The following WWP2 variants were observed in gnomAD, a reference collection of about 807,000 sequenced individuals.
The protein encoded by WWP2 is WW domain containing E3 ubiquitin protein ligase 2.
In WWP2, 57 loss-of-function variants were observed where a neutral mutation model predicts 121.0. The ratio of observed to expected loss-of-function variants is 0.47; its 90% confidence interval spans 0.38 to 0.59. The LOEUF (loss-of-function observed/expected upper bound fraction) is 0.59, where lower values mean the gene tolerates loss of function less well. Among genes scored for constraint, WWP2 ranks in the 20% least tolerant of loss-of-function variants. The pLI, the probability that WWP2 is intolerant of heterozygous loss-of-function variation, is 0.00. For synonymous variants in WWP2, 449 were observed against 441.3 expected, an observed-to-expected ratio of 1.02 and a Z score of -0.22; for missense variants, 962 against 1,158.9, an observed-to-expected ratio of 0.83 and a Z score of 2.47.
chr16:69,766,251 G>T (rs993607081), intron 1 of WWP2, among the ~76,000 whole-genome samples: 1 of 151,994 alleles, frequency 6.6e-6, no homozygotes, highest in Non-Finnish European at 1.5e-5. Flanking sequence ...AACTCAGCTC[G>T]TCCACAAAGC....
chr16:69,846,592 G>A (rs1427337104), intron 6 of WWP2, among the ~76,000 whole-genome samples: 1 of 152,054 alleles, frequency 6.6e-6, no homozygotes, highest in Non-Finnish European at 1.5e-5. Flanking sequence ...ATGGTGGCGT[G>A]CACCTGTAAT....
At chr16:69,774,520 G>A (rs113267902) in intron 1 of WWP2, among the ~76,000 whole-genome samples, 1 of 152,128 alleles carries the variant, frequency 6.6e-6, no homozygotes, top group African/African-American at 2.4e-5. Context: ...GCCTCCTAAG[G>A]TGCTGGGATT....
At chr16:69,841,810 A>G (rs1346033442) in intron 5 of WWP2, among the ~76,000 whole-genome samples, 3 of 152,078 alleles carry the variant, frequency 2.0e-5, no homozygotes, top group Non-Finnish European at 4.4e-5. Context: ...GCTGTTTCCA[A>G]GGTTTGAGCC....
chr16:69,922,567 C>G (rs1294435711), intron 10 of WWP2, among the ~76,000 whole-genome samples: 1 of 152,190 alleles, frequency 6.6e-6, no homozygotes, highest in Admixed American at 6.5e-5. Context: ...CATCTCCATC[C>G]TTTTCTGCTC....
intron 8 of WWP2, among the ~76,000 whole-genome samples, chr16:69,890,455 T>C (rs1261488886): frequency 6.6e-6 from 1 of 152,198 alleles, no homozygotes; most frequent in Non-Finnish European, 1.5e-5. Context: ...AGCTACTCCC[T>C]ATAGAGATAT....
Position 69,934,072 on chromosome 16 carries a change from C to A in WWP2, c.1785C>A (p.Ser595=). The A allele has an allele frequency of 6.2e-7, 1 of 1,614,208 alleles. No homozygotes were observed. Among genetic ancestry groups the A allele is most frequent in the Non-Finnish European group, 8.5e-7 (1 of 1,180,032 alleles). The part of the protein sequence containing the change: ...NNYCLQINPA[S]SINPDHLTYF... ...ACTGCCTGCAGATCAACCCCGCCTC[C>A]TCCATCAACCCGGACCACCTCACCT... The change falls in exon 17 of 24, where the codon TCC becomes TCA. Residue 595 remains serine, a synonymous_variant. Coordinates refer to ENST00000359154, the MANE Select transcript of WWP2 (RefSeq NM_001270454.2).
rs886750370 is a variant in WWP2 at position 69,884,633 on chromosome 16, C to CA, written c.704-3400dup. Among the ~76,000 whole-genome samples, 7 of 151,610 alleles carry CA rather than the reference C, an allele frequency of 4.6e-5. 1 individual carries two copies. Among genetic ancestry groups the CA allele is most frequent in the Admixed American group, 1.3e-4 (2 of 15,232 alleles). On this transcript the variant is annotated intron_variant, in intron 7 of 23. Coordinates refer to ENST00000359154, the MANE Select transcript of WWP2 (RefSeq NM_001270454.2). ...ACAGAGCAAGACCCTATCTTAAAAA[C>CA]AAAAAACAAAAAACAATGGATTGAA...
intron 4 of WWP2, among the ~76,000 whole-genome samples, chr16:69,812,197 C>T (rs1039858976): frequency 1.6e-5 from 2 of 125,168 alleles, no homozygotes; most frequent in Non-Finnish European, 3.2e-5. Context: ...GATGGAGTCT[C>T]GTTCTGGCAC....
At chr16:69,873,271 T>C (rs1392258556) in intron 7 of WWP2, among the ~76,000 whole-genome samples, 1 of 152,226 alleles carries the variant, frequency 6.6e-6, no homozygotes, top group Non-Finnish European at 1.5e-5. Context: ...GGCAGCACCA[T>C]ATGGGGGCTT....
At chr16:69,891,074 G>A (rs1183148370) in intron 8 of WWP2, among the ~76,000 whole-genome samples, 3 of 152,078 alleles carry the variant, frequency 2.0e-5, no homozygotes, top group East Asian at 1.9e-4. Flanking sequence ...GGGCTGACTC[G>A]GGGCCTGGAG....
intron 8 of WWP2, among the ~76,000 whole-genome samples, chr16:69,903,725 G>A (rs958364947): frequency 1.3e-5 from 2 of 148,700 alleles, no homozygotes; most frequent in African/African-American, 2.5e-5. Context: ...CCGAGATTGC[G>A]CCACTGCCCT....
rs566548883 is a variant in WWP2 at position 69,857,718 on chromosome 16, G to A, written c.576-14086G>A. 1.3e-4 allele frequency among the ~76,000 whole-genome samples: 19 copies of A among 141,534 alleles called. No homozygotes were observed. In the South Asian group the frequency reaches 2.6e-3, roughly 20 times the overall value. The allele number at this position is 141,534 out of a possible 152,430, so 92.9% of individuals were successfully genotyped here. A position where few individuals can be genotyped will look rare whatever the true frequency, so the allele number is the denominator to read the frequency against. On this transcript the variant is annotated intron_variant, in intron 6 of 23. Transcript: ENST00000359154. Reference sequence around the variant, plus strand: ...GCTCTGTCACCCAGGCTGGAGTGCAGTGGCACAATCACAGCTCACTGCAGC... The same window carrying A: ...GCTCTGTCACCCAGGCTGGAGTGCAATGGCACAATCACAGCTCACTGCAGC...
intron 8 of WWP2, among the ~76,000 whole-genome samples, chr16:69,892,694 C>T (rs2058048458): frequency 6.6e-6 from 1 of 152,142 alleles, no homozygotes; most frequent in South Asian, 2.1e-4. Flanking sequence ...CCACCACACC[C>T]AGCTAATTTT....
chr16:69,794,075 G>C (rs112569189), intron 2 of WWP2, among the ~76,000 whole-genome samples: 11 of 152,080 alleles, frequency 7.2e-5, no homozygotes, highest in African/African-American at 2.4e-4. Context: ...GCGCCACCAC[G>C]CCCGGCTAAG....
intron 7 of WWP2, among the ~76,000 whole-genome samples, chr16:69,874,645 TG>T (rs2057703885): frequency 6.6e-6 from 1 of 152,194 alleles, no homozygotes; most frequent in Non-Finnish European, 1.5e-5. Flanking sequence ...AATAGACGAA[TG>T]GCATAGCCCT....
chr16:69,836,683 T>C lies in WWP2; in HGVS notation c.341-3443T>C, dbSNP rs1054977691. On this transcript the variant is annotated intron_variant, in intron 4 of 23. Coordinates refer to ENST00000359154, the MANE Select transcript of WWP2 (RefSeq NM_001270454.2). ...TGGAGTGCAGTGGCGCAATCTTGGC[T>C]CACTGCAATGTATGCCCCCAACCCA... Among the ~76,000 whole-genome samples, 9 of 152,310 alleles carry C rather than the reference T, an allele frequency of 5.9e-5. No homozygotes were observed. In the South Asian group the frequency reaches 1.0e-3, roughly 18 times the overall value.
chr16:69,869,297 A>G lies in WWP2; in HGVS notation c.576-2507A>G, dbSNP rs181559774. On this transcript the variant is annotated intron_variant, in intron 6 of 23. Transcript: ENST00000359154. ...TCGTACTCTGTCTCCATTGCCATGC[A>G]GTGTTTAGGTATGAGGGACTCCAGA... is the stretch of plus-strand genomic sequence containing the variant. Among the ~76,000 whole-genome samples the G allele has an allele frequency of 1.1e-4, 17 of 151,586 alleles. No homozygotes were observed. In the East Asian group the frequency reaches 3.1e-3, roughly 28 times the overall value.
chr16:69,903,534 C>T (rs1248610766), intron 8 of WWP2, among the ~76,000 whole-genome samples: 3 of 151,896 alleles, frequency 2.0e-5, no homozygotes, highest in Non-Finnish European at 4.4e-5. Flanking sequence ...TTTGGGAGGC[C>T]GAGGAGGGTG....
intron 4 of WWP2, among the ~76,000 whole-genome samples, chr16:69,839,518 T>C (rs1452473719): frequency 1.3e-5 from 2 of 152,186 alleles, no homozygotes. Context: ...GGGGACGGGG[T>C]GCTCTGGGCC....
Sources: allele counts gnomAD v4.1 joint callset (sites outside exome capture counted in the v4.1 genomes callset), GRCh38; gene constraint gnomAD v4.1.1; transcripts MANE v1.5; gene names NCBI Gene and HGNC (gene_info 2026-07-23, HGNC 2026-07-21).